Variants in ZMYND11 observed in about 807,000 individuals in gnomAD.
ZMYND11 encodes the protein zinc finger MYND-type containing 11.
A neutral mutation model predicts 84.9 loss-of-function variants in ZMYND11; 9 were observed. That is an observed-to-expected ratio of 0.11 (90% CI 0.06 to 0.18). ZMYND11 has a LOEUF of 0.18. Ranked by LOEUF, ZMYND11 falls within the 10% of genes least tolerant of loss-of-function variation. The probability of loss-of-function intolerance (pLI) is 1.00; values close to 1 mark genes in which losing one functional copy is unlikely to be tolerated. For missense variants in ZMYND11, 409 were observed against 761.0 expected (o/e 0.54, Z 5.44); for synonymous variants, 250 against 244.1 (o/e 1.02, Z -0.23).
intron 6 of ZMYND11, among the ~76,000 whole-genome samples, chr10:238,702 A>G (rs914779163): frequency 2.0e-5 from 3 of 152,288 alleles, no homozygotes; most frequent in African/African-American, 7.2e-5. Flanking sequence ...TATTATTTCA[A>G]TATAAGATAA....
chr10:186,555 C>A (rs972325740), intron 2 of ZMYND11, among the ~76,000 whole-genome samples: 1 of 143,496 alleles, frequency 7.0e-6, no homozygotes, highest in African/African-American at 2.6e-5. Context: ...GCAGGAGAAT[C>A]ACTTGAATCT....
At chr10:162,530 C>T (rs1450042305) in intron 1 of ZMYND11, among the ~76,000 whole-genome samples, 1 of 151,698 alleles carries the variant, frequency 6.6e-6, no homozygotes, top group Non-Finnish European at 1.5e-5. Context: ...AAGCAGTATC[C>T]CTCAATTCTT....
At position 162,337 on chromosome 10, in the gene ZMYND11, A is replaced by G. The variant is rs575398897; in HGVS notation, c.-19-17657A>G. On this transcript the variant is annotated intron_variant, in intron 1 of 14. Coordinates refer to ENST00000381604, the MANE Select transcript of ZMYND11 (RefSeq NM_001370100.5). ...CAATAACAATAATGGAAAAGTCTGA[A>G]ATATTGTGATACTTAACAAAATGTT... Among the ~76,000 whole-genome samples, 33 of 152,228 alleles carry G rather than the reference A, an allele frequency of 2.2e-4. 1 individual carries two copies. The highest frequency in any genetic ancestry group is 4.0e-4 in the Non-Finnish European group (27 of 68,046).
intron 2 of ZMYND11, among the ~76,000 whole-genome samples, chr10:200,323 A>AT (rs10629604): frequency 7.0e-6 from 1 of 143,312 alleles, no homozygotes. Context: ...TATAACATAT[A>AT]ATATGTATTA....
At chr10:246,256 A>G (rs1215556415) in intron 10 of ZMYND11, among the ~76,000 whole-genome samples, 1 of 152,234 alleles carries the variant, frequency 6.6e-6, no homozygotes. Flanking sequence ...TTACTGGATA[A>G]TATTTTTAGA....
intron 3 of ZMYND11, among the ~76,000 whole-genome samples, chr10:210,674 GCTT>G (rs1235997647): frequency 6.6e-6 from 1 of 152,200 alleles, no homozygotes; most frequent in Non-Finnish European, 1.5e-5. Flanking sequence ...ATTTTAATCT[GCTT>G]CTCTTTCCTT....
intron 2 of ZMYND11, among the ~76,000 whole-genome samples, chr10:194,366 A>G (rs1017106209): frequency 6.6e-6 from 1 of 152,140 alleles, no homozygotes; most frequent in African/African-American, 2.4e-5. Flanking sequence ...AGTGTTTTCC[A>G]TCAGGAGGCA....
At chr10:170,656 A>AG (rs1554765473) in intron 1 of ZMYND11, among the ~76,000 whole-genome samples, 1 of 152,156 alleles carries the variant, frequency 6.6e-6, no homozygotes, top group Non-Finnish European at 1.5e-5. Context: ...TGCAAACTCT[A>AG]GGGAAACCAC....
intron 1 of ZMYND11, among the ~76,000 whole-genome samples, chr10:140,443 T>C (rs1716179285): frequency 6.6e-6 from 1 of 152,242 alleles, no homozygotes. Context: ...ATACAAGTTT[T>C]AGTATCAAAA....
intron 2 of ZMYND11, among the ~76,000 whole-genome samples, chr10:191,957 T>C (rs968417461): frequency 3.9e-5 from 6 of 152,208 alleles, no homozygotes; most frequent in African/African-American, 1.4e-4. Context: ...TGAATGAATA[T>C]TTGTTATATG....
At chr10:247,518 T>G (rs191156884) in intron 12 of ZMYND11, 52 bp downstream of exon 12, 2 of 1,564,748 alleles carry the variant, frequency 1.3e-6, no homozygotes, top group Non-Finnish European at 1.8e-6. Context: ...AGGAAATATT[T>G]TCAAAGTATT....
intron 6 of ZMYND11, 31 bp downstream of exon 6, chr10:237,708 A>G (rs1040964955): frequency 4.6e-6 from 7 of 1,537,274 alleles, no homozygotes; most frequent in Non-Finnish European, 1.8e-6. Flanking sequence ...TTCCACTTCA[A>G]GTACATTTTC....
chr10:163,574 G>GT (rs1843367033), intron 1 of ZMYND11, among the ~76,000 whole-genome samples: 1 of 151,728 alleles, frequency 6.6e-6, no homozygotes, highest in South Asian at 2.1e-4. Flanking sequence ...CCTATTTATG[G>GT]TTTATAGATA....
At chr10:209,288 G>A (rs752131107) in intron 2 of ZMYND11, among the ~76,000 whole-genome samples, 1 of 152,120 alleles carries the variant, frequency 6.6e-6, no homozygotes, top group South Asian at 2.1e-4. Flanking sequence ...ACCTTGTAAC[G>A]GTAAATCAGG....
intron 4 of ZMYND11, among the ~76,000 whole-genome samples, chr10:222,994 T>TATCA (rs1947398976): frequency 6.6e-6 from 1 of 151,290 alleles, no homozygotes; most frequent in African/African-American, 2.4e-5. Context: ...CAGAATTCAC[T>TATCA]ATCAAGTTGT....
intron 10 of ZMYND11, among the ~76,000 whole-genome samples, chr10:244,249 G>A (rs896590827): frequency 1.3e-5 from 2 of 152,160 alleles, no homozygotes; most frequent in African/African-American, 4.8e-5. Flanking sequence ...AAAAGGTTCT[G>A]GTTGATCAGG....
intron 1 of ZMYND11, among the ~76,000 whole-genome samples, chr10:146,581 A>T (rs1838901169): frequency 6.6e-6 from 1 of 151,598 alleles, no homozygotes; most frequent in African/African-American, 2.4e-5. Flanking sequence ...GCAATCTTTC[A>T]CCTCCTCTGT....
At chr10:171,775 A>G (rs1397298145) in intron 1 of ZMYND11, among the ~76,000 whole-genome samples, 3 of 152,180 alleles carry the variant, frequency 2.0e-5, no homozygotes, top group Non-Finnish European at 4.4e-5. Context: ...CTAACATCAT[A>G]CTTAATGGTA....
chr10:132,577 T>C (rs1554750106), upstream of ZMYND11, among the ~76,000 whole-genome samples: 1 of 152,210 alleles, frequency 6.6e-6, no homozygotes, highest in African/African-American at 2.4e-5. Flanking sequence ...CTCACAGCCA[T>C]CTGCAGCAGT....
Sources: allele counts gnomAD v4.1 joint callset (sites outside exome capture counted in the v4.1 genomes callset), GRCh38; gene constraint gnomAD v4.1.1; transcripts MANE v1.5; gene names NCBI Gene and HGNC (gene_info 2026-07-23, HGNC 2026-07-21).